The following KCNQ5 variants were observed in gnomAD, a reference collection of about 807,000 sequenced individuals.
The protein encoded by KCNQ5 is potassium voltage-gated channel subfamily Q member 5.
In KCNQ5, 30 loss-of-function variants were observed where a neutral mutation model predicts 98.2. That is an observed-to-expected ratio of 0.31 (90% CI 0.23 to 0.41). KCNQ5 has a LOEUF of 0.41. KCNQ5 is among the 10% of genes least tolerant of loss of function. KCNQ5 has a pLI of 1.00. For missense variants in KCNQ5, 835 were observed against 1,182.5 expected (o/e 0.71, Z 4.31); for synonymous variants, 458 against 449.4 (o/e 1.02, Z -0.24).
intron 10 of KCNQ5, among the ~76,000 whole-genome samples, chr6:73,151,674 T>C (rs973579916): frequency 3.3e-5 from 5 of 152,232 alleles, no homozygotes; most frequent in Admixed American, 2.6e-4. Context: ...GTGACTTTTC[T>C]TTGAGAACAC....
At chr6:73,055,462 G>A (rs1214620288) in intron 3 of KCNQ5, 23 of 1,551,888 alleles carry the variant, frequency 1.5e-5, no homozygotes, top group South Asian at 6.7e-5. Flanking sequence ...CACCACCTCC[G>A]ATGGAGCCCT....
At chr6:73,081,919 C>T (rs533756816) in intron 5 of KCNQ5, among the ~76,000 whole-genome samples, 6 of 152,282 alleles carry the variant, frequency 3.9e-5, no homozygotes, top group South Asian at 2.1e-4. Context: ...GCTAAACACA[C>T]GAAGGTGCCC....
intron 10 of KCNQ5, among the ~76,000 whole-genome samples, chr6:73,165,049 G>C (rs1463280384): frequency 1.3e-5 from 2 of 152,032 alleles, no homozygotes; most frequent in African/African-American, 2.4e-5. Flanking sequence ...TACAATCATA[G>C]CTAACTGTAC....
chr6:73,192,480 A>ATT, intron 12 of KCNQ5, 85 bp from the exon 13 acceptor site: 2 of 1,190,596 alleles, frequency 1.7e-6, no homozygotes, highest in Non-Finnish European at 2.2e-6. Flanking sequence ...ACTGTATTTA[A>ATT]TTTTTTTTTC....
At chr6:72,630,075 C>T (rs1257365332) in intron 1 of KCNQ5, among the ~76,000 whole-genome samples, 2 of 152,162 alleles carry the variant, frequency 1.3e-5, no homozygotes, top group South Asian at 4.1e-4. Context: ...ACACATGCAA[C>T]ATAAGCACAT....
intron 1 of KCNQ5, among the ~76,000 whole-genome samples, chr6:72,743,176 C>T (rs1771216519): frequency 6.6e-6 from 1 of 152,038 alleles, no homozygotes; most frequent in Non-Finnish European, 1.5e-5. Flanking sequence ...CCATTAAATA[C>T]TTAGAAGATT....
intron 1 of KCNQ5, among the ~76,000 whole-genome samples, chr6:72,806,120 T>C (rs1018135746): frequency 1.3e-5 from 2 of 152,168 alleles, no homozygotes; most frequent in Non-Finnish European, 2.9e-5. Context: ...TCTTTCATGA[T>C]GCTAAACAAG....
At chr6:72,817,622 A>C (rs1775561489) in intron 1 of KCNQ5, among the ~76,000 whole-genome samples, 1 of 152,150 alleles carries the variant, frequency 6.6e-6, no homozygotes, top group South Asian at 2.1e-4. Flanking sequence ...GGCCGAGCTC[A>C]GTTGCTCATG....
At chr6:73,183,250 C>T (rs1033917398) in intron 11 of KCNQ5, among the ~76,000 whole-genome samples, 4 of 152,180 alleles carry the variant, frequency 2.6e-5, no homozygotes, top group African/African-American at 9.7e-5. Flanking sequence ...AAATGTGAGC[C>T]TTGGCATCTG....
At chr6:72,895,554 C>T (rs1011023981) in intron 1 of KCNQ5, among the ~76,000 whole-genome samples, 15 of 151,174 alleles carry the variant, frequency 9.9e-5, no homozygotes, top group Admixed American at 5.3e-4. Context: ...TTAGGAGGAA[C>T]GTTAAGTAAC....
chr6:73,089,449 T>G (rs1774140860), intron 5 of KCNQ5, among the ~76,000 whole-genome samples: 1 of 152,008 alleles, frequency 6.6e-6, no homozygotes, highest in South Asian at 2.1e-4. Context: ...GAACAGGTGG[T>G]TTTTGGTTAC....
At chr6:73,117,861 A>G (rs1775570936) in intron 7 of KCNQ5, among the ~76,000 whole-genome samples, 2 of 152,224 alleles carry the variant, frequency 1.3e-5, no homozygotes, top group South Asian at 4.1e-4. Flanking sequence ...AAAGATTAAC[A>G]TTTCAAGATG....
intron 2 of KCNQ5, among the ~76,000 whole-genome samples, chr6:73,007,887 C>T (rs1002375712): frequency 9.2e-5 from 14 of 152,236 alleles, no homozygotes; most frequent in African/African-American, 3.4e-4. Flanking sequence ...CGATCCTCCC[C>T]ACATCCTTCA....
At chr6:72,941,595 C>CCCCT (rs1562082813) in intron 1 of KCNQ5, among the ~76,000 whole-genome samples, 100 of 141,074 alleles carry the variant, frequency 7.1e-4, no homozygotes, top group Non-Finnish European at 1.1e-3. Context: ...CCCTTCCTTC[C>CCCCT]TCCCTTAATT....
intron 1 of KCNQ5, among the ~76,000 whole-genome samples, chr6:72,947,474 G>A (rs1324301326): frequency 2.0e-5 from 3 of 152,110 alleles, no homozygotes; most frequent in African/African-American, 4.8e-5. Flanking sequence ...TACTTTAGAG[G>A]TGTTAAGTCC....
intron 5 of KCNQ5, among the ~76,000 whole-genome samples, chr6:73,092,885 G>A (rs1774313440): frequency 6.6e-6 from 1 of 152,024 alleles, no homozygotes; most frequent in African/African-American, 2.4e-5. Context: ...TTTTGATTAT[G>A]TCCTTTCCTG....
At chr6:72,842,826 T>C (rs1776857533) in intron 1 of KCNQ5, among the ~76,000 whole-genome samples, 2 of 152,262 alleles carry the variant, frequency 1.3e-5, no homozygotes, top group African/African-American at 2.4e-5. Context: ...CACTTTTTGA[T>C]GGGGCTCTTT....
intron 7 of KCNQ5, among the ~76,000 whole-genome samples, chr6:73,116,782 G>A (rs1374341194): frequency 1.3e-5 from 2 of 152,136 alleles, no homozygotes; most frequent in African/African-American, 4.8e-5. Flanking sequence ...AGAAAGATGT[G>A]GAAAGGGATT....
intron 1 of KCNQ5, among the ~76,000 whole-genome samples, chr6:72,970,178 G>C (rs963164463): frequency 1.3e-5 from 2 of 152,136 alleles, no homozygotes; most frequent in African/African-American, 4.8e-5. Context: ...GGGATCACTT[G>C]AGCCCAGGAG....
Sources: allele counts gnomAD v4.1 joint callset (sites outside exome capture counted in the v4.1 genomes callset), GRCh38; gene constraint gnomAD v4.1.1; transcripts MANE v1.5; gene names NCBI Gene and HGNC (gene_info 2026-07-23, HGNC 2026-07-21).